The following OTOF variants were observed in gnomAD, a reference collection of about 807,000 sequenced individuals.
The protein encoded by OTOF is fer-1-like family member 2.
In OTOF, 218 loss-of-function variants were observed where a neutral mutation model predicts 236.8. The observed-to-expected ratio is 0.92, with a 90% CI of 0.82 to 1.03. The LOEUF (loss-of-function observed/expected upper bound fraction) is 1.03, where lower values mean the gene tolerates loss of function less well. Ranked by LOEUF, OTOF falls within the 50% of genes least tolerant of loss-of-function variation. OTOF has a pLI of 0.00. For synonymous variants in OTOF, 1,041 were observed against 1,072.5 expected (o/e 0.97, Z 0.57); for missense variants, 2,590 against 2,694.4 (o/e 0.96, Z 0.86).
intron 24 of OTOF, 81 bp downstream of exon 24, chr2:26,475,833 C>T: frequency 6.6e-7 from 1 of 1,519,588 alleles, no homozygotes; most frequent in Non-Finnish European, 8.9e-7. Context: ...GCTCACAGGC[C>T]CCACAGGCTC....
chr2:26,459,942 A>T lies in OTOF; in HGVS notation c.*17+66T>A. On this transcript the variant is annotated intron_variant, in intron 46 of 46. Coordinates refer to ENST00000272371, the MANE Select transcript of OTOF (RefSeq NM_194248.3). Reference sequence around the variant, plus strand: ...TTTGTGTTTGTGGATGTGTGCGTGTATATGTGTGTGTGTGCACGCGCCTGC... The same window carrying T: ...TTTGTGTTTGTGGATGTGTGCGTGTTTATGTGTGTGTGTGCACGCGCCTGC... 3 of 1,403,026 alleles carry T rather than the reference A, an allele frequency of 2.1e-6. No homozygotes were observed. The South Asian group carries it at 3.8e-5, about 18-fold the overall frequency. The allele number at this position is 1,403,026 out of a possible 1,614,324, so 86.9% of individuals were successfully genotyped here.
intron 2 of OTOF, among the ~76,000 whole-genome samples, chr2:26,536,162 T>TG (rs1250946340): frequency 6.6e-6 from 1 of 151,652 alleles, no homozygotes. Flanking sequence ...GGGTGTGTAA[T>TG]GGGGCAAGCC....
At position 26,464,870 on chromosome 2, in the gene OTOF, G is replaced by T. The variant is rs148620934; in HGVS notation, c.4959C>A (p.Asn1653Lys). ...CGGCTGCATCCAGTGCCCCATTACC[G>T]TTCTCGTCCTCAATCTCAGAGGGCC... ...FTGPSEIEDE[N>K]GQRKPTDEHV... Residue 1653 changes from asparagine to lysine, a missense_variant and splice_region_variant, in exon 39 of 47, where the codon AAC becomes AAA. Around this residue, in one of 2 missense-constraint regions of OTOF, gnomAD observed 1,211 missense variants for 1,352.8 expected, o/e 0.90. Transcript: ENST00000272371. The T allele has an allele frequency of 1.9e-6, 3 of 1,602,668 alleles. No individual in the cohort carries two copies. In the East Asian group the frequency reaches 6.8e-5, roughly 36 times the overall value.
chr2:26,498,447 A>C (rs1666041539), intron 8 of OTOF, among the ~76,000 whole-genome samples: 1 of 152,222 alleles, frequency 6.6e-6, no homozygotes, highest in Non-Finnish European at 1.5e-5. Context: ...GGAAGGGGAA[A>C]TGATGCACTT....
chr2:26,508,063 C>T (rs186432698), intron 5 of OTOF, among the ~76,000 whole-genome samples: 98 of 152,250 alleles, frequency 6.4e-4, no homozygotes, highest in Non-Finnish European at 1.0e-3. Context: ...ATTCTGAAAG[C>T]TAATAGAGAC....
At chr2:26,548,407 C>T (rs1472340880) in intron 1 of OTOF, among the ~76,000 whole-genome samples, 1 of 152,276 alleles carries the variant, frequency 6.6e-6, no homozygotes, top group Non-Finnish European at 1.5e-5. Context: ...AGGTTGTACA[C>T]CCATCACCAC....
In OTOF at chr2:26,467,451, C is replaced by G; in HGVS notation, c.4141G>C (p.Glu1381Gln). The G allele has an allele frequency of 6.2e-7, 1 of 1,614,088 alleles. No individual in the cohort carries two copies. Among genetic ancestry groups the G allele is most frequent in the Non-Finnish European group, 8.5e-7 (1 of 1,180,010 alleles). The change falls in exon 34 of 47, where the codon GAG (glutamate) becomes CAG (glutamine). Residue 1381 changes from glutamate (E) to glutamine (Q), a missense_variant. Coordinates refer to ENST00000272371, the MANE Select transcript of OTOF (RefSeq NM_194248.3). ...GAGCTCTGAGTTTTCTTCTTCTTCT[C>G]CTCTTTGGCAGCCCTTGCCTTCTCC... Reference protein sequence around the residue: ...GKEKARAAKEEKKKKTQSSGS... With the variant: ...GKEKARAAKEQKKKKTQSSGS...
At chr2:26,521,649 A>G (rs4665868) in intron 3 of OTOF, among the ~76,000 whole-genome samples, 150,958 of 152,324 alleles carry the variant, frequency 0.99, 74,813 homozygotes, top group Middle Eastern at 1. Flanking sequence ...TGTGCTGAGC[A>G]AGATTGGCCT....
chr2:26,473,839 T>TGCAGATGG lies in OTOF; in HGVS notation c.3408+144_3408+151dup. 9.3e-7 allele frequency: 1 copy of TGCAGATGG among 1,069,862 alleles called. No homozygotes were observed. The highest frequency in any genetic ancestry group is 1.9e-5 in the Admixed American group (1 of 53,322). The allele number at this position is 1,069,862 out of a possible 1,614,324, so 66.3% of individuals were successfully genotyped here. A position where few individuals can be genotyped will look rare whatever the true frequency, so the allele number is the denominator to read the frequency against. ...CCTGGGACATGGGAGTGCGACTTGG[T>TGCAGATGG]GCAGATGGGGGCAGGCCCTGGGCTG... On this transcript the variant is annotated intron_variant, in intron 27 of 46. Transcript: ENST00000272371. This position sits in a 1 kb window ranked among gnomAD's most constrained non-coding sequence, Gnocchi z 7.2.
chr2:26,532,699 G>A (rs1032500116), intron 2 of OTOF, among the ~76,000 whole-genome samples: 22 of 152,196 alleles, frequency 1.4e-4, no homozygotes, highest in Admixed American at 4.6e-4. Context: ...GGAGCCCGGG[G>A]AGTGCTGAGT....
At chr2:26,551,925 G>T (rs1667471561) in intron 1 of OTOF, among the ~76,000 whole-genome samples, 1 of 151,978 alleles carries the variant, frequency 6.6e-6, no homozygotes. Flanking sequence ...ATGGGGTTTG[G>T]GATCTTCTTC....
chr2:26,555,646 G>A lies in OTOF; in HGVS notation c.79+2847C>T, dbSNP rs144808009. Among the ~76,000 whole-genome samples, 506 of 152,260 alleles carry A rather than the reference G, an allele frequency of 3.3e-3. 2 individuals are homozygous for A. The highest frequency in any genetic ancestry group is 5.6e-3 in the Admixed American group (86 of 15,302). On this transcript the variant is annotated intron_variant, in intron 1 of 46. Coordinates refer to ENST00000272371, the MANE Select transcript of OTOF (RefSeq NM_194248.3). ...GGGGTCTGCCTGCCTGGGTTCCTGC[G>A]GAACATCTCAGCAGAGGCTCCTACA...
intron 2 of OTOF, among the ~76,000 whole-genome samples, chr2:26,528,861 A>G (rs568272312): frequency 2.0e-5 from 3 of 152,348 alleles, no homozygotes; most frequent in African/African-American, 7.2e-5. Context: ...GAAACAGCTC[A>G]TGGTGATTAG....
intron 1 of OTOF, among the ~76,000 whole-genome samples, chr2:26,547,700 G>A (rs751922387): frequency 4.6e-5 from 7 of 152,138 alleles, no homozygotes; most frequent in African/African-American, 1.7e-4. Context: ...GCCGGGCGTG[G>A]TGGCACCTGC....
At chr2:26,553,661 A>G (rs1452964489) in intron 1 of OTOF, among the ~76,000 whole-genome samples, 1 of 152,152 alleles carries the variant, frequency 6.6e-6, no homozygotes, top group Non-Finnish European at 1.5e-5. Context: ...CTGCCAATGA[A>G]CTAAGACCCT....
chr2:26,518,215 G>A (rs1268585320), intron 4 of OTOF, among the ~76,000 whole-genome samples: 1 of 152,246 alleles, frequency 6.6e-6, no homozygotes, highest in East Asian at 1.9e-4. Context: ...CTGAGGTCAG[G>A]AAATAATAGC....
intron 25 of OTOF, among the ~76,000 whole-genome samples, chr2:26,475,060 C>T (rs368069747): frequency 4.6e-5 from 7 of 151,874 alleles, no homozygotes; most frequent in African/African-American, 1.5e-4. Flanking sequence ...GGGCAGGGGT[C>T]GGGGAGCCCT....
Position 26,518,995 on chromosome 2 carries a change from G to A in OTOF, c.327+15C>T, listed in dbSNP as rs557912723. The A allele has an allele frequency of 1.1e-5, 17 of 1,581,732 alleles. No individual in the cohort carries two copies. Among genetic ancestry groups the A allele is most frequent in the Middle Eastern group, 1.7e-4 (1 of 6,012 alleles). On this transcript the variant is annotated intron_variant, in intron 4 of 46. Coordinates refer to ENST00000272371, the MANE Select transcript of OTOF (RefSeq NM_194248.3). Reference sequence around the variant, plus strand: ...CCATATGGGAAAGTCCAGGAACTCCGTGGGGCATACCCACCTTGATGATAG... The same window carrying A: ...CCATATGGGAAAGTCCAGGAACTCCATGGGGCATACCCACCTTGATGATAG...
intron 5 of OTOF, among the ~76,000 whole-genome samples, chr2:26,512,747 T>G (rs1572465294): frequency 6.6e-6 from 1 of 152,182 alleles, no homozygotes; most frequent in East Asian, 1.9e-4. Flanking sequence ...GGTCAGGTGC[T>G]GCTCGGGGTA....
Sources: allele counts gnomAD v4.1 joint callset (sites outside exome capture counted in the v4.1 genomes callset), GRCh38; gene constraint gnomAD v4.1.1; regional missense constraint gnomAD v4.1.1; non-coding constraint Gnocchi (gnomAD v3.1); transcripts MANE v1.5; gene names NCBI Gene and HGNC (gene_info 2026-07-23, HGNC 2026-07-21).